TDRKH: variants seen among roughly 807,000 people sequenced by gnomAD.
The protein encoded by TDRKH is tudor and KH domain-containing protein.
In TDRKH, 28 loss-of-function variants were observed where a neutral mutation model predicts 61.3. The ratio of observed to expected loss-of-function variants is 0.46; its 90% CI spans 0.34 to 0.63. TDRKH has a LOEUF of 0.63. TDRKH is among the 20% of genes least tolerant of loss of function. The probability of loss-of-function intolerance (pLI) is 0.01; values close to 1 mark genes in which losing one functional copy is unlikely to be tolerated. For missense variants in TDRKH, 540 were observed against 683.4 expected, an observed-to-expected ratio of 0.79 and a Z score of 2.34; for synonymous variants, 219 against 244.4, an observed-to-expected ratio of 0.90 and a Z score of 0.97.
downstream of TDRKH, among the ~76,000 whole-genome samples, chr1:151,769,917 C>G (rs147961580): frequency 8.0e-4 from 119 of 149,170 alleles, 1 homozygote; most frequent in East Asian, 0.013. Context: ...CACCAAAATA[C>G]GAAAACCAGT....
chr1:151,775,724 A>C, intron 9 of TDRKH, 96 bp downstream of exon 9: 1 of 1,525,726 alleles, frequency 6.6e-7, no homozygotes. Context: ...AGTCCCCAGA[A>C]TTCAAAAAGC....
intron 1 of TDRKH, among the ~76,000 whole-genome samples, chr1:151,785,766 T>C (rs1650252518): frequency 6.6e-6 from 1 of 152,208 alleles, no homozygotes; most frequent in Non-Finnish European, 1.5e-5. Context: ...TGTATTTTTA[T>C]TCTTTATTTT....
At chr1:151,775,752 C>T (rs1649102952) in intron 9 of TDRKH, 68 bp downstream of exon 9, 3 of 1,557,500 alleles carry the variant, frequency 1.9e-6, no homozygotes, top group African/African-American at 1.4e-5. Flanking sequence ...TGTGAGAATT[C>T]CTTCCAATGA....
intron 6 of TDRKH, among the ~76,000 whole-genome samples, chr1:151,778,110 A>G (rs1363008520): frequency 2.6e-5 from 4 of 152,222 alleles, no homozygotes; most frequent in East Asian, 1.9e-4. Context: ...CACCCTGTCT[A>G]TTTATACCTC....
downstream of TDRKH, chr1:151,770,930 C>A: frequency 8.8e-7 from 1 of 1,137,308 alleles, no homozygotes; most frequent in Non-Finnish European, 1.2e-6. Flanking sequence ...AGAGTTAGAG[C>A]CTAGGTCTGT....
At position 151,774,336 on chromosome 1, in the gene TDRKH, G is replaced by C. The variant is rs145705926; in HGVS notation, c.*116C>G. On this transcript the variant is annotated 3_prime_UTR_variant, in exon 13 of 13. Transcript: ENST00000368824. ...GTATATTAAGACAGGGCATGGGAAA[G>C]AGGGAATCAAAGCAAGTGCCCCACT... 8.8e-6 allele frequency: 9 copies of C among 1,018,052 alleles called. No individual in the cohort carries two copies. In the African/African-American group the frequency reaches 1.5e-4, roughly 17 times the overall value. The allele number at this position is 1,018,052 out of a possible 1,614,324, so 63.1% of individuals were successfully genotyped here.
chr1:151,771,243 G>A (rs1467815991), downstream of TDRKH: 3 of 1,607,486 alleles, frequency 1.9e-6, no homozygotes, highest in Admixed American at 1.7e-5. Context: ...AACGCTTTGA[G>A]GGGCTGGAAG....
At chr1:151,770,931 CT>C, downstream of TDRKH, 1 of 1,148,362 alleles carries the variant, frequency 8.7e-7, no homozygotes, top group Non-Finnish European at 1.2e-6. Context: ...GAGTTAGAGC[CT>C]AGGTCTGTTG....
At chr1:151,771,724 A>C (rs1375315772), downstream of TDRKH, 13 of 390,242 alleles carry the variant, frequency 3.3e-5, no homozygotes, top group Non-Finnish European at 5.4e-5. Context: ...CAGGAAAAGT[A>C]CTGGGTTATA....
intron 1 of TDRKH, among the ~76,000 whole-genome samples, chr1:151,785,796 A>T (rs1370328915): frequency 6.6e-6 from 1 of 152,198 alleles, no homozygotes; most frequent in Non-Finnish European, 1.5e-5. Context: ...ATTCAATTCA[A>T]AATTAATACT....
At chr1:151,779,803 T>A in intron 4 of TDRKH, 148 bp downstream of exon 4, 4 of 765,344 alleles carry the variant, frequency 5.2e-6, no homozygotes, top group Non-Finnish European at 8.1e-6. Flanking sequence ...CCACCAGTTC[T>A]ACAAACAGTA....
intron 3 of TDRKH, 80 bp from the exon 4 acceptor site, chr1:151,780,220 C>T (rs577132642): frequency 1.0e-4 from 148 of 1,457,552 alleles, no homozygotes; most frequent in Middle Eastern, 8.6e-4. Flanking sequence ...TAAAACAAAC[C>T]CTGGAGGTAG....
chr1:151,784,925 G>A (rs1184717476), intron 1 of TDRKH, among the ~76,000 whole-genome samples: 1 of 150,574 alleles, frequency 6.6e-6, no homozygotes, highest in Non-Finnish European at 1.5e-5. Context: ...CTCAGCAAAT[G>A]GCAATTCGTT....
downstream of TDRKH, among the ~76,000 whole-genome samples, chr1:151,773,299 G>A (rs1169528702): frequency 6.6e-6 from 1 of 152,220 alleles, no homozygotes; most frequent in Non-Finnish European, 1.5e-5. Flanking sequence ...GGGATTACAG[G>A]TGTGAGCTAC....
intron 1 of TDRKH, among the ~76,000 whole-genome samples, chr1:151,787,475 C>G (rs975538531): frequency 1.3e-5 from 2 of 152,084 alleles, no homozygotes; most frequent in South Asian, 2.1e-4. Context: ...CCTCGGCCTC[C>G]CAAAGTGCTG....
downstream of TDRKH, among the ~76,000 whole-genome samples, chr1:151,772,808 T>A (rs1469188010): frequency 1.3e-5 from 2 of 152,220 alleles, no homozygotes; most frequent in Non-Finnish European, 2.9e-5. Context: ...TTCTAGAATC[T>A]TAATCTGGGC....
rs1482814756 is a variant in TDRKH at position 151,774,773 on chromosome 1, G to T, written c.1570C>A (p.Leu524Ile). 3.7e-6 allele frequency: 6 copies of T among 1,614,222 alleles called. No individual in the cohort carries two copies. The highest frequency in any genetic ancestry group is 5.1e-6 in the Non-Finnish European group (6 of 1,180,028). The change falls in exon 12 of 13, where the codon CTC becomes ATC. Residue 524 changes from leucine (L) to isoleucine (I), a missense_variant. Transcript: ENST00000368824. ...CCAGAGCTCTTTTTGGTCTCAGTGA[G>T]CAACGTGCTGAGAGAGGCATCTGTT... Reference protein sequence around the residue: ...TETDASLSTLLTETKKSSGEI... With the variant: ...TETDASLSTLITETKKSSGEI...
chr1:151,789,151 CGG>C lies in TDRKH; in HGVS notation c.-28+1227_-28+1228del, dbSNP rs1337922640. ...GCAGCCTTGAACTCCCGCAGTCGTC[CGG>C]CGTAGCTGAGATTATAGGTGCGGTT... On this transcript the variant is annotated intron_variant, in intron 1 of 12. Transcript: ENST00000368824. Among the ~76,000 whole-genome samples the C allele has an allele frequency of 1.8e-4, 27 of 152,244 alleles. No homozygotes were observed. In the South Asian group the frequency reaches 5.6e-3, roughly 32 times the overall value.
rs766740216 is a variant in TDRKH at position 151,775,100 on chromosome 1, C to G, written c.1501G>C (p.Glu501Gln). ...AACATGTCTGGGACAGCTCTGTTTT[C>G]TTCTATGTCTTCAGGAAGCTCAATT... The part of the protein sequence containing the change: ...YAIELPEDIE[E>Q]NRAVPDMLKD... Residue 501 changes from glutamate (E) to glutamine (Q), a missense_variant, in exon 11 of 13, where the codon GAA (glutamate) becomes CAA (glutamine). Physicochemically the swap from Glu to Gln is conservative, Grantham distance 29. Transcript: ENST00000368824. 4.3e-6 allele frequency: 7 copies of G among 1,614,112 alleles called. No homozygotes were observed. In the Admixed American group the frequency reaches 1.2e-4, roughly 27 times the overall value.
Sources: allele counts gnomAD v4.1 joint callset (sites outside exome capture counted in the v4.1 genomes callset), GRCh38; gene constraint gnomAD v4.1.1; transcripts MANE v1.5; gene names NCBI Gene and HGNC (gene_info 2026-07-23, HGNC 2026-07-21).